TMEM178B: variants seen among roughly 807,000 people sequenced by gnomAD.
The protein encoded by TMEM178B is transmembrane protein 178B.
In TMEM178B, 5 loss-of-function variants were observed where a neutral mutation model predicts 31.0. That is an observed-to-expected ratio of 0.16 (90% CI 0.08 to 0.34). The LOEUF is 0.34. TMEM178B is among the 10% of genes least tolerant of loss of function. The probability of loss-of-function intolerance (pLI) is 1.00; values close to 1 mark genes in which losing one functional copy is unlikely to be tolerated. For missense variants in TMEM178B, 275 were observed against 400.3 expected, an observed-to-expected ratio of 0.69 and a Z score of 2.67; for synonymous variants, 164 against 164.0, an observed-to-expected ratio of 1.00 and a Z score of 0.00.
intron 2 of TMEM178B, among the ~76,000 whole-genome samples, chr7:141,406,701 G>A (rs1397745081): frequency 1.3e-5 from 2 of 152,220 alleles, no homozygotes; most frequent in Non-Finnish European, 1.5e-5. Flanking sequence ...TAAGTAGGAG[G>A]AGAAAGAAGC....
rs138631935 is a variant in TMEM178B at position 141,287,921 on chromosome 7, C to T, written c.496+75217C>T. Among the ~76,000 whole-genome samples, 27 of 152,292 alleles carry T rather than the reference C, an allele frequency of 1.8e-4. 1 individual carries two copies. In the East Asian group the frequency reaches 4.2e-3, roughly 24 times the overall value. ...ACTAAGAGTTTTGCCTTCTTATTGC[C>T]ATCTGTGAGCATTAAATTATCTTCT... On this transcript the variant is annotated intron_variant, in intron 2 of 3. Coordinates refer to ENST00000565468, the MANE Select transcript of TMEM178B (RefSeq NM_001195278.2).
chr7:141,505,157 C>T, the TMEM178B span, among the ~76,000 whole-genome samples: 1 of 152,208 alleles, frequency 6.6e-6, no homozygotes, highest in Non-Finnish European at 1.5e-5. Context: ...TGCTATTCAA[C>T]ACTCTATAGA....
intron 2 of TMEM178B, among the ~76,000 whole-genome samples, chr7:141,232,398 A>G (rs1797462416): frequency 6.6e-6 from 1 of 152,120 alleles, no homozygotes. Context: ...GTCTTTCACA[A>G]TGGTTGAACT....
rs566757390 is a variant in TMEM178B, at chr7:141,389,949, G to A, written c.497-47659G>A. 1.4e-3 allele frequency among the ~76,000 whole-genome samples: 207 copies of A among 152,228 alleles called. 2 individuals carry two copies. The highest frequency in any genetic ancestry group is 4.9e-3 in the African/African-American group (202 of 41,520). On this transcript the variant is annotated intron_variant, in intron 2 of 3. Coordinates refer to ENST00000565468, the MANE Select transcript of TMEM178B (RefSeq NM_001195278.2). ...TAAGAATGTGGCTGCTTTGGAAACC[G>A]AGCAGTCTCTGACAGAAGGCAGCCT... is the stretch of plus-strand genomic sequence containing the variant.
intron 1 of TMEM178B, among the ~76,000 whole-genome samples, chr7:141,129,854 G>A (rs1444020777): frequency 6.6e-6 from 1 of 152,160 alleles, no homozygotes; most frequent in Non-Finnish European, 1.5e-5. Flanking sequence ...GGTGAGGGGC[G>A]GGGCTGCACG....
At chr7:141,254,114 C>T (rs1056750325) in intron 2 of TMEM178B, among the ~76,000 whole-genome samples, 1 of 152,156 alleles carries the variant, frequency 6.6e-6, no homozygotes, top group Admixed American at 6.5e-5. Context: ...AGAATCTTCC[C>T]GGTGGAAAGG....
At position 141,074,450 on chromosome 7, in the gene TMEM178B, A is replaced by G. The variant is rs1199216490; in HGVS notation, c.140A>G (p.Asn47Ser). The part of the protein sequence containing the change: ...RKHRDRCKAF[N>S]TRRVDPGFIY... ...CACAGGGACAGGTGCAAGGCCTTCAACACCCGCCGGGTCGACCCCGGCTTC... is the reference window on the plus strand; with the variant it reads ...CACAGGGACAGGTGCAAGGCCTTCAGCACCCGCCGGGTCGACCCCGGCTTC... The change falls in exon 1 of 4, where the codon AAC (asparagine) becomes AGC (serine). Residue 47 changes from asparagine (N) to serine (S), a missense_variant. By Grantham distance (46) the Asn-to-Ser change is conservative. Transcript: ENST00000565468. This position sits in a 1 kb window ranked among gnomAD's most constrained non-coding sequence, Gnocchi z 5.1. 2 of 1,535,990 alleles carry G rather than the reference A, an allele frequency of 1.3e-6. No homozygotes were observed. Among genetic ancestry groups the G allele is most frequent in the Admixed American group, 2.0e-5 (1 of 50,990 alleles).
rs1378420319 is a variant in TMEM178B, at chr7:141,318,300, T to A, written c.496+105596T>A. ...TATGATGATGGCTGGCCATTCTTTC[T>A]TATAACCCATTTTGAGAGTGGGAAT... is the stretch of plus-strand genomic sequence containing the variant. On this transcript the variant is annotated intron_variant, in intron 2 of 3. Transcript: ENST00000565468. The surrounding 1 kb of genome is among the most constrained non-coding windows in gnomAD (Gnocchi z 4.1). Among the ~76,000 whole-genome samples, 3 of 152,216 alleles carry A rather than the reference T, an allele frequency of 2.0e-5. No individual in the cohort carries two copies. The highest frequency in any genetic ancestry group is 7.2e-5 in the African/African-American group (3 of 41,442).
intron 1 of TMEM178B, among the ~76,000 whole-genome samples, chr7:141,100,591 C>T (rs1181079164): frequency 3.3e-5 from 5 of 152,152 alleles, no homozygotes; most frequent in Non-Finnish European, 5.9e-5. Flanking sequence ...AGTTCCAATA[C>T]ACCTATTTCT....
chr7:141,168,322 C>T (rs1351648114), intron 1 of TMEM178B, among the ~76,000 whole-genome samples: 2 of 152,202 alleles, frequency 1.3e-5, no homozygotes, highest in African/African-American at 2.4e-5. Flanking sequence ...CTTCCAGAGA[C>T]ACATCCTGCC....
rs1200476665 is a variant in TMEM178B at position 141,422,160 on chromosome 7, C to T, written c.497-15448C>T. On this transcript the variant is annotated intron_variant, in intron 2 of 3. Coordinates refer to ENST00000565468, the MANE Select transcript of TMEM178B (RefSeq NM_001195278.2). The surrounding 1 kb of genome is among the most constrained non-coding windows in gnomAD (Gnocchi z 4.2). ...CCTGTTAACCCTATTACTTCTGGCT[C>T]CTCCAGGGCTGCGGTTGGTGAAAGG... 6.6e-6 allele frequency among the ~76,000 whole-genome samples: 1 copy of T among 152,176 alleles called. No individual in the cohort carries two copies. Among genetic ancestry groups the T allele is most frequent in the Non-Finnish European group, 1.5e-5 (1 of 68,032 alleles).
At chr7:141,181,710 C>T (rs549560937) in intron 1 of TMEM178B, among the ~76,000 whole-genome samples, 14 of 152,242 alleles carry the variant, frequency 9.2e-5, no homozygotes, top group Non-Finnish European at 1.9e-4. Context: ...AGGAGAGCCA[C>T]AGCCACATAT....
intron 2 of TMEM178B, among the ~76,000 whole-genome samples, chr7:141,246,805 G>A (rs1014930869): frequency 1.3e-5 from 2 of 152,120 alleles, no homozygotes; most frequent in Admixed American, 6.5e-5. Flanking sequence ...TGCCAGACTC[G>A]TAAATGCTGT....
chr7:141,425,284 C>T (rs1801291822), intron 2 of TMEM178B, among the ~76,000 whole-genome samples: 1 of 152,174 alleles, frequency 6.6e-6, no homozygotes, highest in African/African-American at 2.4e-5. Context: ...TGTTTTAAAG[C>T]TCCCATCTTC....
At chr7:141,325,129 A>G (rs1361471270) in intron 2 of TMEM178B, among the ~76,000 whole-genome samples, 1 of 152,186 alleles carries the variant, frequency 6.6e-6, no homozygotes, top group African/African-American at 2.4e-5. Flanking sequence ...GCTTCTAAGG[A>G]GCCTGCTGAA....
intron 1 of TMEM178B, among the ~76,000 whole-genome samples, chr7:141,186,315 TG>T (rs1211086892): frequency 1.3e-5 from 2 of 152,220 alleles, no homozygotes; most frequent in East Asian, 3.9e-4. Flanking sequence ...GTACCAAGTC[TG>T]TTTGGTTTGA....
Position 141,141,804 on chromosome 7 carries a change from A to T in TMEM178B, c.382+67112A>T, listed in dbSNP as rs371223521. Among the ~76,000 whole-genome samples, 19 of 152,354 alleles carry T rather than the reference A, an allele frequency of 1.2e-4. 2 individuals are homozygous for T. The highest frequency in any genetic ancestry group is 5.8e-4 in the East Asian group (3 of 5,188). Reference sequence around the variant, plus strand: ...TTTCAGTGCATAAAGTATTAAAGAAAAGTTAGACTGATTAAAAAAAGCTGA... The same window carrying T: ...TTTCAGTGCATAAAGTATTAAAGAATAGTTAGACTGATTAAAAAAAGCTGA... On this transcript the variant is annotated intron_variant, in intron 1 of 3. Coordinates refer to ENST00000565468, the MANE Select transcript of TMEM178B (RefSeq NM_001195278.2).
chr7:141,472,028 T>C lies in TMEM178B; in HGVS notation c.*1242T>C, dbSNP rs1223828752. On this transcript the variant is annotated 3_prime_UTR_variant, in exon 4 of 4. Coordinates refer to ENST00000565468, the MANE Select transcript of TMEM178B (RefSeq NM_001195278.2). ...AAGACACAGCTGGGCACATAAGCCA[T>C]GAGAGAAGAGGGGGAACACACAGTT... 1 of 152,212 alleles carries C rather than the reference T, an allele frequency of 6.6e-6. No individual in the cohort carries two copies. Among genetic ancestry groups the C allele is most frequent in the Non-Finnish European group, 1.5e-5 (1 of 68,086 alleles). The allele number at this position is 152,212 out of a possible 1,614,324, so 9.4% of individuals were successfully genotyped here. A position where few individuals can be genotyped will look rare whatever the true frequency, so the allele number is the denominator to read the frequency against.
chr7:141,384,629 C>T (rs1800396747), intron 2 of TMEM178B, among the ~76,000 whole-genome samples: 1 of 152,124 alleles, frequency 6.6e-6, no homozygotes, highest in African/African-American at 2.4e-5. Flanking sequence ...CCTTGCAGTA[C>T]AGTTTGAAGT....
Sources: allele counts gnomAD v4.1 joint callset (sites outside exome capture counted in the v4.1 genomes callset), GRCh38; gene constraint gnomAD v4.1.1; non-coding constraint Gnocchi (gnomAD v3.1); transcripts MANE v1.5; gene names NCBI Gene and HGNC (gene_info 2026-07-23, HGNC 2026-07-21).